CACNB4: variants seen among roughly 807,000 people sequenced by gnomAD.
CACNB4 encodes the protein voltage-dependent L-type calcium channel subunit beta-4.
In CACNB4, 32 loss-of-function variants were observed where a neutral mutation model predicts 71.2. The ratio of observed to expected loss-of-function variants is 0.45; its 90% CI spans 0.34 to 0.60. The LOEUF is 0.60. Among genes scored for constraint, CACNB4 ranks in the 20% least tolerant of loss-of-function variants. The pLI is 0.01. For missense variants in CACNB4, 464 were observed against 647.9 expected, an observed-to-expected ratio of 0.72 and a Z score of 3.08; for synonymous variants, 231 against 236.9, an observed-to-expected ratio of 0.97 and a Z score of 0.23.
chr2:151,966,442 A>T (rs1239347786), intron 2 of CACNB4, among the ~76,000 whole-genome samples: 1 of 151,946 alleles, frequency 6.6e-6, no homozygotes, highest in Non-Finnish European at 1.5e-5. Context: ...CACCACGCCC[A>T]ACTAATTTTT....
chr2:151,965,089 C>G (rs1210839281), intron 2 of CACNB4, among the ~76,000 whole-genome samples: 1 of 152,162 alleles, frequency 6.6e-6, no homozygotes, highest in East Asian at 1.9e-4. Context: ...CAAGTAAACC[C>G]CAAGACATTA....
intron 4 of CACNB4, 109 bp downstream of exon 4, chr2:151,880,691 T>C: frequency 8.9e-7 from 1 of 1,123,270 alleles, no homozygotes; most frequent in Non-Finnish European, 1.3e-6. Context: ...TTAAATCATG[T>C]ACTGCACTGG....
intron 2 of CACNB4, among the ~76,000 whole-genome samples, chr2:151,931,158 G>T (rs1261478590): frequency 6.6e-6 from 1 of 152,120 alleles, no homozygotes; most frequent in Admixed American, 6.6e-5. Flanking sequence ...TGAATTCTCA[G>T]GTTATCCCAG....
chr2:151,979,345 G>T (rs1468910710), intron 2 of CACNB4, among the ~76,000 whole-genome samples: 1 of 151,856 alleles, frequency 6.6e-6, no homozygotes, highest in African/African-American at 2.4e-5. Flanking sequence ...TCATAAGAGA[G>T]TGAGTGTAGG....
Position 152,098,369 on chromosome 2 carries a change from G to C in CACNB4, c.108C>G (p.Ser36=). The C allele has an allele frequency of 1.2e-6, 2 of 1,613,712 alleles. No homozygotes were observed. Among genetic ancestry groups the C allele is most frequent in the African/African-American group, 1.3e-5 (1 of 75,038 alleles). The change falls in exon 2 of 14, where the codon TCC becomes TCG. Residue 36 remains serine (S), a synonymous_variant. Transcript: ENST00000539935. This position sits in a 1 kb window ranked among gnomAD's most constrained non-coding sequence, Gnocchi z 5.3. The part of the protein sequence containing the change: ...TTTRRSRLKR[S]DGSTTSTSFI... ...AGCTGGTCGAAGTGGTGCTGCCATCGGATCTTTTCAACCTGCTCCTCCGGG... is the reference window on the plus strand; with the variant it reads ...AGCTGGTCGAAGTGGTGCTGCCATCCGATCTTTTCAACCTGCTCCTCCGGG...
intron 2 of CACNB4, among the ~76,000 whole-genome samples, chr2:152,058,343 T>C (rs550643894): frequency 6.6e-6 from 1 of 151,974 alleles, no homozygotes; most frequent in East Asian, 1.9e-4. Flanking sequence ...TGGGCAGAGG[T>C]TGGAATAGTT....
intron 2 of CACNB4, among the ~76,000 whole-genome samples, chr2:151,994,931 G>C (rs947973061): frequency 6.6e-6 from 1 of 152,120 alleles, no homozygotes; most frequent in African/African-American, 2.4e-5. Context: ...ACCATATCTA[G>C]CTGCCTTGTC....
chr2:151,924,571 T>A (rs1038691457), intron 2 of CACNB4, among the ~76,000 whole-genome samples: 7 of 151,792 alleles, frequency 4.6e-5, no homozygotes, highest in African/African-American at 1.7e-4. Context: ...AATTACATCA[T>A]ATAATATGTA....
chr2:151,977,593 GAGA>G (rs1202946116), intron 2 of CACNB4, among the ~76,000 whole-genome samples: 3 of 152,336 alleles, frequency 2.0e-5, no homozygotes, highest in East Asian at 1.9e-4. Context: ...TTTGGACAGA[GAGA>G]AGAAGGAGAG....
chr2:151,904,621 A>G (rs1367033328), intron 2 of CACNB4, among the ~76,000 whole-genome samples: 2 of 150,154 alleles, frequency 1.3e-5, no homozygotes, highest in Non-Finnish European at 2.9e-5. Context: ...TGCAACCTCT[A>G]CCTCCTGGGT....
chr2:152,034,992 C>T lies in CACNB4; in HGVS notation c.147+63338G>A, dbSNP rs140844950. ...GTATTGGCAGTGGTTGATCAAGTGG[C>T]ACCTGCTGTTAAATGAACAAATTCC... On this transcript the variant is annotated intron_variant, in intron 2 of 13. Coordinates refer to ENST00000539935, the MANE Select transcript of CACNB4 (RefSeq NM_000726.5). 3.1e-3 allele frequency among the ~76,000 whole-genome samples: 472 copies of T among 152,274 alleles called. 5 individuals carry two copies. The highest frequency in any genetic ancestry group is 0.011 in the African/African-American group (452 of 41,554).
At chr2:152,009,917 G>A (rs533948855) in intron 2 of CACNB4, among the ~76,000 whole-genome samples, 2 of 152,346 alleles carry the variant, frequency 1.3e-5, no homozygotes, top group African/African-American at 4.8e-5. Context: ...CAGCAACAGT[G>A]AGAAATCTTC....
intron 2 of CACNB4, among the ~76,000 whole-genome samples, chr2:151,892,748 T>C (rs551281774): frequency 6.6e-6 from 1 of 152,298 alleles, no homozygotes; most frequent in African/African-American, 2.4e-5. Context: ...CAAAGCTTCA[T>C]AGGAGCTCAA....
chr2:152,034,472 G>T (rs1684452788), intron 2 of CACNB4, among the ~76,000 whole-genome samples: 1 of 152,198 alleles, frequency 6.6e-6, no homozygotes, highest in Admixed American at 6.5e-5. Context: ...TATCCTGCAA[G>T]AGCAAGCTAA....
chr2:151,954,635 TCA>T (rs1326537141), intron 2 of CACNB4, among the ~76,000 whole-genome samples: 1 of 152,076 alleles, frequency 6.6e-6, no homozygotes, highest in Admixed American at 6.5e-5. Context: ...GATATGGCCA[TCA>T]CAGACATAAT....
intron 2 of CACNB4, among the ~76,000 whole-genome samples, chr2:151,998,749 C>T (rs1376844551): frequency 6.6e-6 from 1 of 152,202 alleles, no homozygotes; most frequent in Non-Finnish European, 1.5e-5. Flanking sequence ...GTATTCAGCA[C>T]ACCCCCCAGA....
intron 2 of CACNB4, chr2:151,969,959 T>G (rs2099872088): frequency 1.3e-5 from 2 of 152,232 alleles, no homozygotes; most frequent in Non-Finnish European, 2.9e-5. Context: ...AATGATGATC[T>G]GATCATCTTT....
At chr2:151,998,778 A>T (rs1560120032) in intron 2 of CACNB4, among the ~76,000 whole-genome samples, 1 of 152,194 alleles carries the variant, frequency 6.6e-6, no homozygotes. Flanking sequence ...TTTCACAGTG[A>T]GCCTCTCCCC....
chr2:152,007,295 T>C (rs1560127003), intron 2 of CACNB4, among the ~76,000 whole-genome samples: 1 of 152,250 alleles, frequency 6.6e-6, no homozygotes, highest in East Asian at 1.9e-4. Context: ...CCATCATCAC[T>C]ATCCATCTCT....
Sources: gnomAD v4.1 joint callset for allele counts (sites outside exome capture counted in the v4.1 genomes callset) on GRCh38, gnomAD v4.1.1 for gene constraint, Gnocchi (gnomAD v3.1) non-coding constraint, MANE v1.5 for transcripts, NCBI Gene and HGNC (gene_info 2026-07-23, HGNC 2026-07-21) for gene names.